The following NOL10 variants were observed in gnomAD, a reference collection of about 807,000 sequenced individuals.
NOL10 encodes the protein nucleolar protein 10.
In NOL10, 58 loss-of-function variants were observed where a neutral mutation model predicts 103.5. That is an observed-to-expected ratio of 0.56 (90% CI 0.45 to 0.70). The LOEUF (loss-of-function observed/expected upper bound fraction) is 0.70, where lower values mean the gene tolerates loss of function less well. NOL10 is among the 30% of genes least tolerant of loss of function. The probability of loss-of-function intolerance (pLI) is 0.00; values close to 1 mark genes in which losing one functional copy is unlikely to be tolerated. For missense variants in NOL10, 763 were observed against 807.3 expected (o/e 0.95, Z 0.67); for synonymous variants, 287 against 282.5 (o/e 1.02, Z -0.16).
At chr2:10,626,688 T>C (rs1299048036) in intron 13 of NOL10, among the ~76,000 whole-genome samples, 2 of 150,906 alleles carry the variant, frequency 1.3e-5, no homozygotes, top group African/African-American at 4.9e-5. Context: ...AGCACCAAGA[T>C]GGAGGAAATG....
chr2:10,641,073 C>T (rs1678667617), intron 13 of NOL10, among the ~76,000 whole-genome samples: 2 of 151,202 alleles, frequency 1.3e-5, no homozygotes, highest in African/African-American at 4.9e-5. Flanking sequence ...GTAATCCCAG[C>T]ACTTCAGGAG....
In NOL10 at chr2:10,602,815, C is replaced by G; in HGVS notation, c.1293G>C (p.Gln431His). Residue 431 changes from glutamine (Q) to histidine (H), a missense_variant, in exon 16 of 21, where the codon CAG (glutamine) becomes CAC (histidine). By Grantham distance (24) the Gln-to-His change is conservative. Coordinates refer to ENST00000381685, the MANE Select transcript of NOL10 (RefSeq NM_024894.4). ...YEEYRKDKIR[Q>H]KIEETRAQRV... is the part of the protein sequence containing the mutation. ...TCTGTGCACGTGTTTCTTCTATTTT[C>G]TGTCGTATTTTATCTTTCCTATATT... The G allele has an allele frequency of 6.2e-7, 1 of 1,609,380 alleles. No homozygotes were observed. The highest frequency in any genetic ancestry group is 8.5e-7 in the Non-Finnish European group (1 of 1,176,664).
At chr2:10,591,227 C>A (rs184926859) in intron 17 of NOL10, among the ~76,000 whole-genome samples, 1 of 152,248 alleles carries the variant, frequency 6.6e-6, no homozygotes, top group Admixed American at 6.5e-5. Flanking sequence ...AAGGTAAGAT[C>A]GAGTTCCTGA....
chr2:10,689,890 G>C lies in NOL10; in HGVS notation c.-29C>G, dbSNP rs367974579. ...GCCGCACAACACTGTTCAAGTCCCG[G>C]GTCCTTTCCCACCAGCGTGCTCGAG... On this transcript the variant is annotated 5_prime_UTR_variant, in exon 1 of 21. Transcript: ENST00000381685. The C allele has an allele frequency of 2.7e-5, 43 of 1,588,774 alleles. No individual in the cohort carries two copies. In the African/African-American group the frequency reaches 5.5e-4, roughly 20 times the overall value.
At chr2:10,628,547 C>A (rs1677631168) in intron 13 of NOL10, among the ~76,000 whole-genome samples, 1 of 152,072 alleles carries the variant, frequency 6.6e-6, no homozygotes, top group African/African-American at 2.4e-5. Flanking sequence ...AGTTTAATTT[C>A]ATTGGTTTAA....
At chr2:10,688,417 G>A (rs562281560) in intron 1 of NOL10, among the ~76,000 whole-genome samples, 54 of 152,144 alleles carry the variant, frequency 3.5e-4, no homozygotes, top group African/African-American at 9.9e-4. Flanking sequence ...TGCCTCTTCC[G>A]TCCTCCTACA....
At chr2:10,627,634 C>T (rs1445903045) in intron 13 of NOL10, among the ~76,000 whole-genome samples, 1 of 151,802 alleles carries the variant, frequency 6.6e-6, no homozygotes, top group Non-Finnish European at 1.5e-5. Context: ...GAGACTGCGC[C>T]ACTGCACTCT....
At chr2:10,642,627 C>A (rs1275334381) in intron 13 of NOL10, among the ~76,000 whole-genome samples, 1 of 152,070 alleles carries the variant, frequency 6.6e-6, no homozygotes, top group Admixed American at 6.6e-5. Flanking sequence ...TGCACCCACT[C>A]TACTGTCAAG....
At chr2:10,579,153 G>A (rs1426336049) in intron 19 of NOL10, among the ~76,000 whole-genome samples, 5 of 152,180 alleles carry the variant, frequency 3.3e-5, no homozygotes, top group Admixed American at 6.5e-5. Flanking sequence ...TTTACAACTC[G>A]TAGTAATGTA....
At chr2:10,645,944 T>TACACACAC (rs57494359) in intron 12 of NOL10, among the ~76,000 whole-genome samples, 2,491 of 147,650 alleles carry the variant, frequency 0.017, 31 homozygotes, top group East Asian at 0.045. Flanking sequence ...CACACACACA[T>TACACACAC]ACACACACAC....
chr2:10,585,742 T>C (rs576672391), intron 19 of NOL10, among the ~76,000 whole-genome samples: 11 of 152,338 alleles, frequency 7.2e-5, no homozygotes, highest in Non-Finnish European at 1.6e-4. Context: ...GCACACCCTC[T>C]CCTATATGTT....
At chr2:10,666,674 A>G (rs1014148583) in intron 8 of NOL10, among the ~76,000 whole-genome samples, 1 of 146,320 alleles carries the variant, frequency 6.8e-6, no homozygotes, top group African/African-American at 2.6e-5. Context: ...ATAAGTACCA[A>G]TAAGATGTAT....
intron 6 of NOL10, among the ~76,000 whole-genome samples, chr2:10,670,533 G>A (rs1431460637): frequency 1.3e-5 from 2 of 151,966 alleles, no homozygotes; most frequent in African/African-American, 2.4e-5. Flanking sequence ...TCAGGAGTTC[G>A]AGACCAGCCT....
intron 3 of NOL10, among the ~76,000 whole-genome samples, chr2:10,676,215 T>C (rs1408943871): frequency 6.6e-6 from 1 of 152,230 alleles, no homozygotes; most frequent in Non-Finnish European, 1.5e-5. Flanking sequence ...TATACTGTTG[T>C]TGATTAGTAT....
chr2:10,675,736 G>GA, intron 4 of NOL10, 58 bp downstream of exon 4: 2 of 961,782 alleles, frequency 2.1e-6, no homozygotes, highest in South Asian at 3.1e-5. Flanking sequence ...TTTAAAACCA[G>GA]AAAAGCAGAC....
chr2:10,627,094 G>A (rs1317406837), intron 13 of NOL10, among the ~76,000 whole-genome samples: 1 of 152,144 alleles, frequency 6.6e-6, no homozygotes, highest in Non-Finnish European at 1.5e-5. Context: ...GATTAAAATA[G>A]GAAGTCCACA....
intron 13 of NOL10, among the ~76,000 whole-genome samples, chr2:10,623,788 C>T (rs1677282490): frequency 6.6e-6 from 1 of 152,198 alleles, no homozygotes; most frequent in African/African-American, 2.4e-5. Context: ...GTGTCATTTT[C>T]ATGACTGACC....
chr2:10,585,281 G>A (rs1674964815), intron 19 of NOL10, among the ~76,000 whole-genome samples: 1 of 152,100 alleles, frequency 6.6e-6, no homozygotes, highest in African/African-American at 2.4e-5. Flanking sequence ...AACCAAGCAG[G>A]ACTCCCAGTA....
intron 12 of NOL10, among the ~76,000 whole-genome samples, chr2:10,652,364 A>C (rs1052936065): frequency 7.9e-5 from 12 of 151,624 alleles, no homozygotes; most frequent in Non-Finnish European, 1.5e-4. Context: ...GAATTACCCA[A>C]TTTTTCTGAC....
Sources: allele counts gnomAD v4.1 joint callset (sites outside exome capture counted in the v4.1 genomes callset), GRCh38; gene constraint gnomAD v4.1.1; transcripts MANE v1.5; gene names NCBI Gene and HGNC (gene_info 2026-07-23, HGNC 2026-07-21).